MTUS2: variants seen among roughly 807,000 people sequenced by gnomAD.
MTUS2 encodes the protein microtubule associated scaffold protein 2.
Under a neutral mutation model 114.1 loss-of-function variants are expected in MTUS2, and 40 were observed. The ratio of observed to expected loss-of-function variants is 0.35; its 90% CI spans 0.27 to 0.46. The LOEUF (loss-of-function observed/expected upper bound fraction) is 0.46, where lower values mean the gene tolerates loss of function less well. MTUS2 is among the 20% of genes least tolerant of loss of function. The probability of loss-of-function intolerance (pLI) is 1.00; values close to 1 mark genes in which losing one functional copy is unlikely to be tolerated. For missense variants in MTUS2, 1,679 were observed against 1,705.4 expected (o/e 0.98, Z 0.27); for synonymous variants, 688 against 672.0 (o/e 1.02, Z -0.37).
chr13:29,296,988 T>C (rs987941953), intron 6 of MTUS2, among the ~76,000 whole-genome samples: 7 of 152,206 alleles, frequency 4.6e-5, no homozygotes, highest in African/African-American at 1.7e-4. Context: ...TTGTTGCCTG[T>C]GCTTTTGAGG....
chr13:29,329,511 T>C (rs1029753511), intron 7 of MTUS2, among the ~76,000 whole-genome samples: 2 of 152,176 alleles, frequency 1.3e-5, no homozygotes, highest in Non-Finnish European at 2.9e-5. Context: ...GGTGTATATG[T>C]CTCACATTTT....
rs148139512 is a variant in MTUS2 at position 29,390,753 on chromosome 13, A to ATGG, written c.3117+31283_3117+31285dup. Reference sequence around the variant, plus strand: ...GAACAACTGCAGATAGTCCCACCAAATGGTGATGATGATGATGATGATGAT... The same window carrying ATGG: ...GAACAACTGCAGATAGTCCCACCAAATGGTGGTGATGATGATGATGATGATGAT... On this transcript the variant is annotated intron_variant, in intron 8 of 15. Coordinates refer to ENST00000612955, the MANE Select transcript of MTUS2 (RefSeq NM_001033602.4). Among the ~76,000 whole-genome samples, 428 of 105,526 alleles carry ATGG rather than the reference A, an allele frequency of 4.1e-3. 2 individuals are homozygous for ATGG. Among genetic ancestry groups the ATGG allele is most frequent in the Non-Finnish European group, 6.4e-3 (309 of 48,256 alleles). 69.2% of individuals were successfully genotyped at this position (105,526 alleles called of 152,430 possible).
In MTUS2 at chr13:29,034,005, T is replaced by A; in HGVS notation, c.2326T>A (p.Ser776Thr). Residue 776 changes from serine (S) to threonine (T), a missense_variant, in exon 4 of 16, where the codon TCC becomes ACC. Physicochemically the swap from Ser to Thr is moderately conservative, Grantham distance 58. Around this residue, in one of 3 missense-constraint regions of MTUS2, gnomAD observed 822 missense variants for 899.7 expected, o/e 0.91. Transcript: ENST00000612955. ...GCCCCAGCTAGGATTGGGTGCAATG[T>A]CCCGTTTACCATCTGCAAAGAGCAG... is the stretch of plus-strand genomic sequence containing the variant. ...LKPQLGLGAM[S>T]RLPSAKSRIL... 6.2e-7 allele frequency: 1 copy of A among 1,614,010 alleles called. No individual in the cohort carries two copies. The highest frequency in any genetic ancestry group is 8.5e-7 in the Non-Finnish European group (1 of 1,179,898).
At position 28,828,846 on chromosome 13, in the gene MTUS2, T is replaced by G. The variant is rs115001037; in HGVS notation, c.-316+8235T>G. On this transcript the variant is annotated intron_variant, in intron 1 of 15. Transcript: ENST00000612955. ...GATCAGTATTACTGAGTTTTCCTTT[T>G]GTGTCAGGCTCCAGTTTGGTTTGTA... Among the ~76,000 whole-genome samples the G allele has an allele frequency of 2.6e-3, 401 of 152,384 alleles. 3 individuals carry two copies. The highest frequency in any genetic ancestry group is 9.0e-3 in the African/African-American group (376 of 41,594).
In MTUS2 at chr13:28,935,006, GTTTTTTTTTTTT is replaced by G. The variant is rs775863792; in HGVS notation, c.-242-89435_-242-89424del. Among the ~76,000 whole-genome samples the G allele has an allele frequency of 2.5e-3, 103 of 41,448 alleles. 1 individual carries two copies. Among genetic ancestry groups the G allele is most frequent in the African/African-American group, 4.8e-3 (39 of 8,058 alleles). 27.2% of individuals were successfully genotyped at this position (41,448 alleles called of 152,430 possible). The stretch of plus-strand genomic sequence containing the variant: ...TGACCACTTGTTTCATCTCCATAGC[GTTTTTTTTTTTT>G]TTTTTTTTTTTTTTTGCCCATGCTT... On this transcript the variant is annotated intron_variant, in intron 2 of 15. Coordinates refer to ENST00000612955, the MANE Select transcript of MTUS2 (RefSeq NM_001033602.4).
Position 29,023,787 on chromosome 13 carries a change from TG to T in MTUS2, c.-242-669del, listed in dbSNP as rs201066351. 1.1e-3 allele frequency among the ~76,000 whole-genome samples: 161 copies of T among 152,328 alleles called. No individual in the cohort carries two copies. The East Asian group carries it at 0.028, about 26-fold the overall frequency. ...CCTCAATTTAAATTTGCCAGATTAT[TG>T]TCTCATGGTTAAATTCTGGTTGAAC... On this transcript the variant is annotated intron_variant, in intron 2 of 15. Transcript: ENST00000612955.
At chr13:28,832,457 A>G (rs1486414293) in intron 1 of MTUS2, among the ~76,000 whole-genome samples, 1 of 152,010 alleles carries the variant, frequency 6.6e-6, no homozygotes, top group Non-Finnish European at 1.5e-5. Context: ...TTTGAGAAGA[A>G]TGAAAACAAA....
At chr13:29,474,272 C>G (rs186986023) in intron 9 of MTUS2, among the ~76,000 whole-genome samples, 1 of 152,282 alleles carries the variant, frequency 6.6e-6, no homozygotes, top group African/African-American at 2.4e-5. Flanking sequence ...GAATGAAACC[C>G]AATCATTTCT....
At chr13:29,395,565 G>T (rs1385761157) in intron 8 of MTUS2, among the ~76,000 whole-genome samples, 1 of 152,184 alleles carries the variant, frequency 6.6e-6, no homozygotes, top group Admixed American at 6.5e-5. Context: ...AAGGGTACCT[G>T]CAAAGTCACA....
At chr13:28,868,770 C>T (rs938140485) in intron 2 of MTUS2, among the ~76,000 whole-genome samples, 1 of 152,202 alleles carries the variant, frequency 6.6e-6, no homozygotes, top group Non-Finnish European at 1.5e-5. Context: ...TTTAGACTAT[C>T]AGTCCTTTAG....
At chr13:29,278,982 A>T (rs1490945604) in intron 5 of MTUS2, among the ~76,000 whole-genome samples, 2 of 152,214 alleles carry the variant, frequency 1.3e-5, no homozygotes, top group Non-Finnish European at 2.9e-5. Flanking sequence ...GACTTGTTGT[A>T]ATAACTTAGC....
intron 8 of MTUS2, 65 bp downstream of exon 8, chr13:29,359,538 G>A (rs1870057434): frequency 1.3e-6 from 2 of 1,514,108 alleles, no homozygotes; most frequent in African/African-American, 1.4e-5. Context: ...TGATGGTGAC[G>A]GTTGTTTGTG....
chr13:29,313,639 A>G (rs1353509875), intron 6 of MTUS2, among the ~76,000 whole-genome samples: 1 of 152,228 alleles, frequency 6.6e-6, no homozygotes, highest in Non-Finnish European at 1.5e-5. Context: ...GAGGAGAGGT[A>G]ATTATGAAGC....
chr13:29,019,785 G>A (rs1357475396), intron 2 of MTUS2, among the ~76,000 whole-genome samples: 3 of 152,222 alleles, frequency 2.0e-5, no homozygotes, highest in African/African-American at 7.2e-5. Context: ...TTGAAGTATT[G>A]TGCATAGCTC....
chr13:28,866,875 A>G (rs1877330415), intron 2 of MTUS2, among the ~76,000 whole-genome samples: 1 of 151,564 alleles, frequency 6.6e-6, no homozygotes, highest in Admixed American at 6.6e-5. Context: ...TTAATAATAT[A>G]TTATGAGGAT....
At chr13:29,317,282 T>C (rs1001684874) in intron 6 of MTUS2, among the ~76,000 whole-genome samples, 1 of 152,216 alleles carries the variant, frequency 6.6e-6, no homozygotes. Flanking sequence ...AGTATTCAGA[T>C]TGTTTCTCCT....
At chr13:29,283,655 T>G (rs1898363913) in intron 6 of MTUS2, among the ~76,000 whole-genome samples, 1 of 152,078 alleles carries the variant, frequency 6.6e-6, no homozygotes, top group Non-Finnish European at 1.5e-5. Context: ...GTTCAGTAGG[T>G]TTGGTTTGGG....
rs181486460 is a variant in MTUS2 at position 29,151,283 on chromosome 13, T to C, written c.2644+50313T>C. ...CCTTGGTTAAATATATTTGTAGATATTTTAATTTTTTGTGACTATTGTAAG... is the reference window on the plus strand; with the variant it reads ...CCTTGGTTAAATATATTTGTAGATACTTTAATTTTTTGTGACTATTGTAAG... On this transcript the variant is annotated intron_variant, in intron 5 of 15. Coordinates refer to ENST00000612955, the MANE Select transcript of MTUS2 (RefSeq NM_001033602.4). 3.6e-3 allele frequency among the ~76,000 whole-genome samples: 542 copies of C among 152,238 alleles called. 5 individuals carry two copies. Among genetic ancestry groups the C allele is most frequent in the African/African-American group, 0.012 (505 of 41,556 alleles).
intron 8 of MTUS2, among the ~76,000 whole-genome samples, chr13:29,364,422 T>C (rs910212536): frequency 6.6e-6 from 1 of 152,098 alleles, no homozygotes; most frequent in Non-Finnish European, 1.5e-5. Context: ...TGAATAGAGA[T>C]TTAGGCCCTG....
Sources: allele counts gnomAD v4.1 joint callset (sites outside exome capture counted in the v4.1 genomes callset), GRCh38; gene constraint gnomAD v4.1.1; regional missense constraint gnomAD v4.1.1; transcripts MANE v1.5; gene names NCBI Gene and HGNC (gene_info 2026-07-23, HGNC 2026-07-21).